Variants in MERTK observed in about 807,000 individuals in gnomAD.
MERTK encodes tyrosine-protein kinase Mer.
In MERTK, 69 loss-of-function variants were observed where a neutral mutation model predicts 99.3. The observed-to-expected ratio is 0.70, with a 90% CI of 0.57 to 0.85. MERTK has a LOEUF of 0.85. Among genes scored for constraint, MERTK ranks in the 40% least tolerant of loss-of-function variants. The pLI, the probability that MERTK is intolerant of heterozygous loss-of-function variation, is 0.00. For synonymous variants in MERTK, 426 were observed against 467.6 expected (o/e 0.91, Z 1.15); for missense variants, 1,125 against 1,249.4 (o/e 0.90, Z 1.50).
At chr2:112,014,123 G>C (rs867994034) in intron 15 of MERTK, among the ~76,000 whole-genome samples, 1 of 151,232 alleles carries the variant, frequency 6.6e-6, no homozygotes, top group South Asian at 2.1e-4. Flanking sequence ...CTGGGTTCAC[G>C]CCATTCTCCT....
At chr2:111,932,951 A>G (rs976763183) in intron 2 of MERTK, among the ~76,000 whole-genome samples, 4 of 151,884 alleles carry the variant, frequency 2.6e-5, no homozygotes, top group African/African-American at 9.7e-5. Context: ...TTGGTTGGAG[A>G]TGTTATTTGT....
At chr2:111,984,957 G>A (rs929902299) in intron 8 of MERTK, among the ~76,000 whole-genome samples, 6 of 152,144 alleles carry the variant, frequency 3.9e-5, no homozygotes. Context: ...GTATCGTAGG[G>A]GAGCATCAAT....
In MERTK at chr2:111,975,202, C is replaced by T. The variant is rs917690388; in HGVS notation, c.961-87C>T. On this transcript the variant is annotated intron_variant, in intron 6 of 18. Coordinates refer to ENST00000295408, the MANE Select transcript of MERTK (RefSeq NM_006343.3). The stretch of plus-strand genomic sequence containing the variant: ...CCTTCCCCTTAGCGTAGAGGAAGGG[C>T]CACGTGCACCGAATGCACACAGGCC... 17 of 1,305,668 alleles carry T rather than the reference C, an allele frequency of 1.3e-5. No homozygotes were observed. The Admixed American group carries it at 2.7e-4, about 21-fold the overall frequency. 80.9% of individuals were successfully genotyped at this position (1,305,668 alleles called of 1,614,324 possible).
rs530010565 is a variant in MERTK at position 112,007,218 on chromosome 2, G to A, written c.1868-1165G>A. On this transcript the variant is annotated intron_variant, in intron 13 of 18. Coordinates refer to ENST00000295408, the MANE Select transcript of MERTK (RefSeq NM_006343.3). The stretch of plus-strand genomic sequence containing the variant: ...TGCCCAGGCTGGAGTGCGGTAGCAC[G>A]ATCTCAGCTCACTGCAAACTCCGCC... Among the ~76,000 whole-genome samples the A allele has an allele frequency of 2.0e-5, 3 of 152,238 alleles. 1 individual carries two copies. Among genetic ancestry groups the A allele is most frequent in the African/African-American group, 7.2e-5 (3 of 41,520 alleles).
intron 1 of MERTK, among the ~76,000 whole-genome samples, chr2:111,911,940 C>T (rs890451527): frequency 2.0e-4 from 31 of 151,896 alleles, no homozygotes; most frequent in African/African-American, 6.8e-4. Flanking sequence ...CCTCCTGCCT[C>T]GGCCTGCCAA....
rs149294880 is a variant in MERTK at position 111,992,913 on chromosome 2, C to T, written c.1297-1338C>T. Reference sequence around the variant, plus strand: ...CAGTCAGAAGTACAGGTCAAACAACCTGGGGCTTGTGATTTGTGCCTGAAA... The same window carrying T: ...CAGTCAGAAGTACAGGTCAAACAACTTGGGGCTTGTGATTTGTGCCTGAAA... On this transcript the variant is annotated intron_variant, in intron 8 of 18. Transcript: ENST00000295408. 4.6e-4 allele frequency among the ~76,000 whole-genome samples: 70 copies of T among 152,246 alleles called. No homozygotes were observed. The East Asian group carries it at 0.011, about 25-fold the overall frequency.
Position 111,925,233 on chromosome 2 carries a change from A to G in MERTK, c.62-3887A>G, listed in dbSNP as rs74843192. ...CTATATAAATATCTGTTGGCAATCA[A>G]ATCATTCTATCAACTTCTGGTAAAT... is the stretch of plus-strand genomic sequence containing the variant. On this transcript the variant is annotated intron_variant, in intron 1 of 18. Coordinates refer to ENST00000295408, the MANE Select transcript of MERTK (RefSeq NM_006343.3). Among the ~76,000 whole-genome samples, 125 of 145,908 alleles carry G rather than the reference A, an allele frequency of 8.6e-4. 4 individuals are homozygous for G. In the East Asian group the frequency reaches 0.01, roughly 12 times the overall value.
At chr2:112,003,254 A>G in intron 12 of MERTK, 67 bp downstream of exon 12, 1 of 772,848 alleles carries the variant, frequency 1.3e-6, no homozygotes, top group Non-Finnish European at 2.3e-6. Flanking sequence ...ATAATTCTTT[A>G]ACATATATTT....
intron 1 of MERTK, among the ~76,000 whole-genome samples, chr2:111,905,433 C>CTTTTTTTTTTTTTTTTT (rs61232340): frequency 1.2e-5 from 1 of 85,276 alleles, no homozygotes; most frequent in Non-Finnish European, 2.0e-5. Context: ...CTACACTGTT[C>CTTTTTTTTTTTTTTTTT]TTTTTTTTTT....
chr2:111,904,157 A>T (rs961963237), intron 1 of MERTK, among the ~76,000 whole-genome samples: 84 of 151,852 alleles, frequency 5.5e-4, no homozygotes, highest in African/African-American at 1.9e-3. Context: ...TTCCCCTCCT[A>T]CTCCTGCCCC....
chr2:111,975,490 G>T lies in MERTK; in HGVS notation c.1144+18G>T. 1 of 1,612,248 alleles carries T rather than the reference G, an allele frequency of 6.2e-7. No homozygotes were observed. The highest frequency in any genetic ancestry group is 8.5e-7 in the Non-Finnish European group (1 of 1,178,390). ...TGAAGGAGGTAATTCCTGGGGTTCA[G>T]AATGTATATTGCCCCCAATGACATG... is the stretch of plus-strand genomic sequence containing the variant. On this transcript the variant is annotated intron_variant, in intron 7 of 18. Coordinates refer to ENST00000295408, the MANE Select transcript of MERTK (RefSeq NM_006343.3).
At chr2:111,983,753 C>T (rs1394436809) in intron 8 of MERTK, among the ~76,000 whole-genome samples, 5 of 152,192 alleles carry the variant, frequency 3.3e-5, no homozygotes, top group Non-Finnish European at 5.9e-5. Context: ...GTTGCACGGT[C>T]GTCATGCTGT....
In MERTK at chr2:111,975,270, A is replaced by G; in HGVS notation, c.961-19A>G. 1 of 1,613,910 alleles carries G rather than the reference A, an allele frequency of 6.2e-7. No homozygotes were observed. Among genetic ancestry groups the G allele is most frequent in the Non-Finnish European group, 8.5e-7 (1 of 1,179,800 alleles). ...ACCACCTTACTAATGCCCGGTCCTC[A>G]TGTTTACTCTTCGTTTAGGTCAAGG... On this transcript the variant is annotated intron_variant, in intron 6 of 18. Transcript: ENST00000295408.
intron 4 of MERTK, among the ~76,000 whole-genome samples, chr2:111,952,879 T>G (rs979173310): frequency 6.6e-6 from 1 of 152,260 alleles, no homozygotes; most frequent in African/African-American, 2.4e-5. Context: ...ATGTGCCCTA[T>G]ATCACATACA....
intron 9 of MERTK, among the ~76,000 whole-genome samples, chr2:111,995,814 G>A (rs1350441386): frequency 6.6e-6 from 1 of 152,106 alleles, no homozygotes; most frequent in Non-Finnish European, 1.5e-5. Flanking sequence ...ACAAAAATTA[G>A]CAGGGTGTGG....
At chr2:111,985,362 G>T (rs1012761425) in intron 8 of MERTK, among the ~76,000 whole-genome samples, 1 of 152,076 alleles carries the variant, frequency 6.6e-6, no homozygotes, top group Non-Finnish European at 1.5e-5. Flanking sequence ...GAAGAGAGTG[G>T]GGTATTGCTG....
chr2:111,938,526 G>T (rs1405560761), intron 2 of MERTK, among the ~76,000 whole-genome samples: 3 of 152,188 alleles, frequency 2.0e-5, no homozygotes, highest in African/African-American at 7.2e-5. Context: ...AGGACTGAGG[G>T]TTAGAGACAT....
At chr2:111,937,135 A>T (rs1240461113) in intron 2 of MERTK, among the ~76,000 whole-genome samples, 1 of 152,066 alleles carries the variant, frequency 6.6e-6, no homozygotes, top group Non-Finnish European at 1.5e-5. Flanking sequence ...TGTTTCATTA[A>T]ATTTTCTTTA....
chr2:111,982,014 CCTT>C (rs755555112), intron 7 of MERTK, among the ~76,000 whole-genome samples: 1 of 151,394 alleles, frequency 6.6e-6, no homozygotes, highest in African/African-American at 2.4e-5. Context: ...ACCTTCCCTG[CCTT>C]CTTCTTCTTT....
Sources: gnomAD v4.1 joint callset for allele counts (sites outside exome capture counted in the v4.1 genomes callset) on GRCh38, gnomAD v4.1.1 for gene constraint, MANE v1.5 for transcripts, NCBI Gene and HGNC (gene_info 2026-07-23, HGNC 2026-07-21) for gene names.